Variants in IL1RAPL1 observed in about 807,000 individuals in gnomAD.
IL1RAPL1 encodes the protein interleukin-1 receptor accessory protein-like 1.
IL1RAPL1 carries 3 observed loss-of-function variants against 48.4 expected under a neutral mutation model. The ratio of observed to expected loss-of-function variants is 0.06; its 90% confidence interval spans 0.03 to 0.16. The LOEUF (loss-of-function observed/expected upper bound fraction) is 0.16. IL1RAPL1 is among the 10% of genes least tolerant of loss of function. The pLI, the probability that IL1RAPL1 is intolerant of heterozygous loss-of-function variation, is 1.00. For synonymous variants in IL1RAPL1, 185 were observed against 187.7 expected (o/e 0.99, Z 0.12); for missense variants, 349 against 530.6 (o/e 0.66, Z 3.36).
chrX:29,716,354 T>C (rs1405434998), intron 6 of IL1RAPL1, among the ~76,000 whole-genome samples: 1 of 111,475 alleles, frequency 9.0e-6, no homozygotes, highest in Non-Finnish European at 1.9e-5. Flanking sequence ...TGGAGAGCCT[T>C]GCTTGTGATC....
At chrX:29,516,732 A>T (rs765352899) in intron 5 of IL1RAPL1, among the ~76,000 whole-genome samples, 12 of 110,931 alleles carry the variant, frequency 1.1e-4, no homozygotes, top group Non-Finnish European at 1.5e-4. Flanking sequence ...CAGTGTTGCT[A>T]TGACTATCCT....
At chrX:28,906,086 G>A (rs1319760694) in intron 2 of IL1RAPL1, among the ~76,000 whole-genome samples, 1 of 111,830 alleles carries the variant, frequency 8.9e-6, no homozygotes, top group Non-Finnish European at 1.9e-5. Context: ...TTCTTCACGT[G>A]GCGGCAGGAG....
At chrX:28,823,997 A>G (rs1055587388) in intron 2 of IL1RAPL1, among the ~76,000 whole-genome samples, 2 of 111,729 alleles carry the variant, frequency 1.8e-5, no homozygotes, top group African/African-American at 6.5e-5. Flanking sequence ...TCTCAGTTGC[A>G]TTTTATTTTT....
At chrX:29,044,454 T>A (rs1926912819) in intron 2 of IL1RAPL1, among the ~76,000 whole-genome samples, 1 of 109,778 alleles carries the variant, frequency 9.1e-6, no homozygotes, top group East Asian at 2.9e-4. Context: ...AATAAATAAA[T>A]AAAAAGATAT....
chrX:28,711,035 T>C (rs2146934873), intron 1 of IL1RAPL1, among the ~76,000 whole-genome samples: 1 of 111,762 alleles, frequency 8.9e-6, no homozygotes, highest in East Asian at 2.9e-4. Context: ...TGGATCACTC[T>C]GATTGGTGTG....
intron 4 of IL1RAPL1, among the ~76,000 whole-genome samples, chrX:29,398,551 A>C (rs1366910083): frequency 8.9e-6 from 1 of 112,137 alleles, no homozygotes; most frequent in African/African-American, 3.2e-5. Context: ...AAGACCTTGC[A>C]TATAAATGTT....
chrX:29,080,915 T>A (rs1164364612), intron 2 of IL1RAPL1, among the ~76,000 whole-genome samples: 3 of 100,313 alleles, frequency 3.0e-5, no homozygotes, highest in Non-Finnish European at 4.0e-5. Flanking sequence ...GCTATTTTTT[T>A]TAAATATTTT....
chrX:28,801,410 TGAAG>T (rs1936673987), intron 2 of IL1RAPL1, among the ~76,000 whole-genome samples: 1 of 111,336 alleles, frequency 9.0e-6, no homozygotes, highest in African/African-American at 3.3e-5. Flanking sequence ...ATAAACCTCC[TGAAG>T]GAAGGGTGAT....
chrX:29,589,360 G>A (rs1425020767), intron 5 of IL1RAPL1, among the ~76,000 whole-genome samples: 5 of 111,674 alleles, frequency 4.5e-5, no homozygotes. Context: ...CACTGCTCTA[G>A]GTGCTAGGGA....
intron 2 of IL1RAPL1, among the ~76,000 whole-genome samples, chrX:28,818,244 T>G (rs985904820): frequency 9.0e-6 from 1 of 110,811 alleles, no homozygotes; most frequent in Non-Finnish European, 1.9e-5. Flanking sequence ...TTGTTAAGGC[T>G]TGTTTAGGGA....
At chrX:29,362,689 A>C (rs1467233258) in intron 3 of IL1RAPL1, among the ~76,000 whole-genome samples, 1 of 111,975 alleles carries the variant, frequency 8.9e-6, no homozygotes, top group Non-Finnish European at 1.9e-5. Context: ...CCACAGCATC[A>C]GAAAACTGAT....
At chrX:28,958,493 C>T (rs1047064025) in intron 2 of IL1RAPL1, among the ~76,000 whole-genome samples, 1 of 111,705 alleles carries the variant, frequency 9.0e-6, no homozygotes, top group African/African-American at 3.3e-5. Context: ...CAAATCCATA[C>T]TGGGGCAAGT....
chrX:29,885,703 G>A (rs190855689), intron 6 of IL1RAPL1, among the ~76,000 whole-genome samples: 31 of 111,231 alleles, frequency 2.8e-4, no homozygotes, highest in East Asian at 1.1e-3. Context: ...CCCGTAGTCC[G>A]AGCTACTCGG....
chrX:29,443,231 G>T (rs199936522), intron 5 of IL1RAPL1, among the ~76,000 whole-genome samples: 2 of 93,960 alleles, frequency 2.1e-5, no homozygotes, highest in East Asian at 3.6e-4. Flanking sequence ...GCTCTCGCTT[G>T]CTCTCTCTCT....
chrX:29,349,129 C>T (rs751832576), intron 3 of IL1RAPL1, among the ~76,000 whole-genome samples: 30 of 112,394 alleles, frequency 2.7e-4, no homozygotes, highest in African/African-American at 9.0e-4. Flanking sequence ...AAAGTATAGA[C>T]AGCCACGCAG....
chrX:28,975,346 T>C (rs1352537483), intron 2 of IL1RAPL1, among the ~76,000 whole-genome samples: 1 of 112,137 alleles, frequency 8.9e-6, no homozygotes, highest in East Asian at 2.8e-4. Context: ...TTCAACTCTG[T>C]AGATTGAACA....
chrX:29,225,389 T>C (rs1931058332), intron 2 of IL1RAPL1, among the ~76,000 whole-genome samples: 2 of 111,929 alleles, frequency 1.8e-5, no homozygotes. Context: ...GAGTGATCAA[T>C]ATTATTGTCC....
chrX:29,956,195 C>T lies in IL1RAPL1; in HGVS notation c.*375C>T, dbSNP rs532865583. 195 of 192,694 alleles carry T rather than the reference C, an allele frequency of 1.0e-3. 3 individuals are homozygous for T. The South Asian group carries it at 0.016, about 16-fold the overall frequency. 15.9% of individuals were successfully genotyped at this position (192,694 alleles called of 1,213,427 possible). The stretch of plus-strand genomic sequence containing the variant: ...AATTTTACTTTGCTTTTAACATTTC[C>T]TTGGGGTGCTTGGACAAATCTATCC... On this transcript the variant is annotated 3_prime_UTR_variant, in exon 11 of 11. Coordinates refer to ENST00000378993, the MANE Select transcript of IL1RAPL1 (RefSeq NM_014271.4).
chrX:29,227,046 G>A (rs1322837015), intron 2 of IL1RAPL1, among the ~76,000 whole-genome samples: 4 of 108,289 alleles, frequency 3.7e-5, no homozygotes, highest in East Asian at 2.9e-4. Flanking sequence ...AATCACCTGC[G>A]TGGACACTGG....
Sources: allele counts gnomAD v4.1 joint callset (sites outside exome capture counted in the v4.1 genomes callset), GRCh38; gene constraint gnomAD v4.1.1; transcripts MANE v1.5; gene names NCBI Gene and HGNC (gene_info 2026-07-23, HGNC 2026-07-21).